Variants in PDK1 observed in about 807,000 individuals in gnomAD.
The protein encoded by PDK1 is [Pyruvate dehydrogenase (acetyl-transferring)] kinase isozyme 1, mitochondrial.
PDK1 carries 39 observed loss-of-function variants against 54.2 expected under a neutral mutation model. The ratio of observed to expected loss-of-function variants is 0.72; its 90% CI spans 0.56 to 0.94. The LOEUF is 0.94. Ranked by LOEUF, PDK1 falls within the 40% of genes least tolerant of loss-of-function variation. The probability of loss-of-function intolerance (pLI) is 0.00; values close to 1 mark genes in which losing one functional copy is unlikely to be tolerated. For synonymous variants in PDK1, 221 were observed against 207.1 expected, an observed-to-expected ratio of 1.07 and a Z score of -0.58; for missense variants, 552 against 566.0, an observed-to-expected ratio of 0.98 and a Z score of 0.25.
At chr2:172,620,612 T>C in the PDK1 span, among the ~76,000 whole-genome samples, 1 of 152,164 alleles carries the variant, frequency 6.6e-6, no homozygotes, top group Non-Finnish European at 1.5e-5. Context: ...AAGTGGGACT[T>C]AGTGGGAGGT....
At chr2:172,622,652 C>CATATATT in the PDK1 span, among the ~76,000 whole-genome samples, 2 of 126,672 alleles carry the variant, frequency 1.6e-5, no homozygotes, top group Admixed American at 7.9e-5. Flanking sequence ...GTTTATATCT[C>CATATATT]ATGTGAGATA....
chr2:172,650,357 C>T, the PDK1 span, among the ~76,000 whole-genome samples: 3 of 152,126 alleles, frequency 2.0e-5, no homozygotes, highest in African/African-American at 4.8e-5. Context: ...AAGGAGCAAC[C>T]GGTACCAGCC....
chr2:172,700,366 T>C, the PDK1 span, among the ~76,000 whole-genome samples: 9,627 of 107,918 alleles, frequency 0.089, 133 homozygotes, highest in African/African-American at 0.16. Flanking sequence ...CTGGACGGGG[T>C]GGCGGCGGGG....
chr2:172,638,404 T>C, the PDK1 span, among the ~76,000 whole-genome samples: 1 of 152,204 alleles, frequency 6.6e-6, no homozygotes, highest in Admixed American at 6.5e-5. Context: ...ATGAAGTCAG[T>C]GGGAGGAAGA....
chr2:172,556,211 G>C lies in PDK1; in HGVS notation c.61G>C (p.Ala21Pro), dbSNP rs2149169084. The C allele has an allele frequency of 7.1e-7, 1 of 1,418,194 alleles. No individual in the cohort carries two copies. The highest frequency in any genetic ancestry group is 9.1e-7 in the Non-Finnish European group (1 of 1,093,910). The allele number at this position is 1,418,194 out of a possible 1,614,324, so 87.9% of individuals were successfully genotyped here. Residue 21 changes from alanine (A) to proline (P), a missense_variant, in exon 1 of 11, where the codon GCC becomes CCC. By Grantham distance (27) the Ala-to-Pro change is conservative. Transcript: ENST00000282077. ...ALAGPGPGLRAAGFSRSFSSD... is the reference protein window; with the variant it reads ...ALAGPGPGLRPAGFSRSFSSD... ...GGCCGGCCCGGGCCCGGGGCTGCGC[G>C]CCGCCGGCTTCAGCCGCAGCTTCAG...
the PDK1 span, among the ~76,000 whole-genome samples, chr2:172,637,642 C>G: frequency 6.6e-6 from 1 of 152,136 alleles, no homozygotes; most frequent in African/African-American, 2.4e-5. Context: ...TTAGTACTTT[C>G]ATTCTGATCT....
At chr2:172,656,149 G>T in the PDK1 span, among the ~76,000 whole-genome samples, 1 of 152,082 alleles carries the variant, frequency 6.6e-6, no homozygotes, top group African/African-American at 2.4e-5. Flanking sequence ...GTACAATTAG[G>T]TAGCTTTATT....
upstream of PDK1, chr2:172,556,002 A>T: frequency 2.0e-6 from 1 of 490,650 alleles, no homozygotes; most frequent in East Asian, 3.7e-5. Context: ...CCAGCGGCGC[A>T]GGGGGCCGGG....
At position 172,590,949 on chromosome 2, in the gene PDK1, G is replaced by A. The variant is rs554677544; in HGVS notation, c.1057-1986G>A. ...CCCCTCTAAACAGTATACCCCAACT[G>A]TTGTTGGGAATTGGGCGATGACCGC... On this transcript the variant is annotated intron_variant, in intron 9 of 10. Coordinates refer to ENST00000282077, the MANE Select transcript of PDK1 (RefSeq NM_002610.5). 1.1e-4 allele frequency among the ~76,000 whole-genome samples: 16 copies of A among 152,270 alleles called. No individual in the cohort carries two copies. In the South Asian group the frequency reaches 3.1e-3, roughly 30 times the overall value.
chr2:172,713,258 A>G, the PDK1 span, among the ~76,000 whole-genome samples: 1 of 152,182 alleles, frequency 6.6e-6, no homozygotes, highest in Non-Finnish European at 1.5e-5. Flanking sequence ...CTATGTGCTG[A>G]TTGGTCCATG....
intron 3 of PDK1, 101 bp from the exon 4 acceptor site, chr2:172,564,397 TATTAA>T (rs1688823175): frequency 4.9e-6 from 4 of 817,880 alleles, no homozygotes; most frequent in Non-Finnish European, 7.9e-6. Flanking sequence ...ATTTTCCTTT[TATTAA>T]ATTGGGGATT....
chr2:172,691,497 A>C, the PDK1 span: 2 of 152,164 alleles, frequency 1.3e-5, no homozygotes, highest in East Asian at 1.9e-4. Context: ...GTATAATGGC[A>C]TGTATTCACC....
At chr2:172,562,066 GC>G (rs1212826327) in intron 2 of PDK1, among the ~76,000 whole-genome samples, 153 bp from the exon 3 acceptor site, 1 of 152,194 alleles carries the variant, frequency 6.6e-6, no homozygotes, top group African/African-American at 2.4e-5. Context: ...GCTTGAATGT[GC>G]ATGGGTGTAA....
chr2:172,560,256 G>A (rs1688583538), intron 2 of PDK1, among the ~76,000 whole-genome samples: 2 of 152,084 alleles, frequency 1.3e-5, no homozygotes, highest in African/African-American at 4.8e-5. Flanking sequence ...ACCTCCTGGG[G>A]TCAAGAGATT....
chr2:172,569,267 C>A (rs1332870634), intron 7 of PDK1, among the ~76,000 whole-genome samples: 1 of 152,082 alleles, frequency 6.6e-6, no homozygotes, highest in Non-Finnish European at 1.5e-5. Context: ...AACTTGCTAC[C>A]CTCAAAGGAC....
At chr2:172,644,083 A>G in the PDK1 span, among the ~76,000 whole-genome samples, 1 of 152,234 alleles carries the variant, frequency 6.6e-6, no homozygotes, top group African/African-American at 2.4e-5. Flanking sequence ...ACAGGTGTAC[A>G]GCAAAGCAGA....
At chr2:172,570,536 A>G in intron 7 of PDK1, 190 bp from the exon 8 acceptor site, 1 of 445,008 alleles carries the variant, frequency 2.2e-6, no homozygotes. Flanking sequence ...TCTTTAGGTC[A>G]GAATATCCTT....
chr2:172,564,843 A>G (rs1316530743), intron 4 of PDK1, 135 bp from the exon 5 acceptor site: 2 of 847,710 alleles, frequency 2.4e-6, no homozygotes, highest in Non-Finnish European at 3.7e-6. Context: ...AGGTGTTTTT[A>G]TTGAATGTAA....
chr2:172,694,974 C>G, the PDK1 span, among the ~76,000 whole-genome samples: 2 of 151,916 alleles, frequency 1.3e-5, no homozygotes, highest in African/African-American at 4.8e-5. Flanking sequence ...AAAAATTAGC[C>G]GGGCATTGTG....
Sources: allele counts gnomAD v4.1 joint callset (sites outside exome capture counted in the v4.1 genomes callset), GRCh38; gene constraint gnomAD v4.1.1; transcripts MANE v1.5; gene names NCBI Gene and HGNC (gene_info 2026-07-23, HGNC 2026-07-21).